The following SYT17 variants were observed in gnomAD, a reference collection of about 807,000 sequenced individuals.
The protein encoded by SYT17 is synaptotagmin 17.
Under a neutral mutation model 46.7 loss-of-function variants are expected in SYT17, and 22 were observed. The observed-to-expected ratio is 0.47, with a 90% CI of 0.34 to 0.67. The LOEUF (loss-of-function observed/expected upper bound fraction) is 0.67, where lower values mean the gene tolerates loss of function less well. Ranked by LOEUF, SYT17 falls within the 30% of genes least tolerant of loss-of-function variation. The pLI is 0.01. For missense variants in SYT17, 519 were observed against 612.8 expected (o/e 0.85, Z 1.62); for synonymous variants, 251 against 248.4 (o/e 1.01, Z -0.10).
chr16:19,184,213 T>C, intron 5 of SYT17, 66 bp downstream of exon 5: 3 of 1,513,330 alleles, frequency 2.0e-6, no homozygotes. Flanking sequence ...TTTTATTTTA[T>C]TTTACTGTTT....
At chr16:19,213,137 T>G (rs1313045478) in intron 5 of SYT17, among the ~76,000 whole-genome samples, 1 of 152,194 alleles carries the variant, frequency 6.6e-6, no homozygotes, top group African/African-American at 2.4e-5. Flanking sequence ...AAATGAGCAC[T>G]AAAACAAAGG....
At chr16:19,231,029 A>G (rs1048386081) in intron 7 of SYT17, among the ~76,000 whole-genome samples, 1 of 152,236 alleles carries the variant, frequency 6.6e-6, no homozygotes. Flanking sequence ...TACGTTGTCT[A>G]CATAGAGTCT....
chr16:19,168,066 A>T (rs1963936345), upstream of SYT17: 1 of 152,258 alleles, frequency 6.6e-6, no homozygotes, highest in African/African-American at 2.4e-5. This position sits in a 1 kb window ranked among gnomAD's most constrained non-coding sequence, Gnocchi z 6.9. Context: ...GATGGGAAGG[A>T]CCCTCCCTGC....
At chr16:19,242,341 G>A (rs1161571473) in intron 7 of SYT17, among the ~76,000 whole-genome samples, 1 of 152,178 alleles carries the variant, frequency 6.6e-6, no homozygotes, top group African/African-American at 2.4e-5. Context: ...ATGTAGGAAA[G>A]GAGCATTCTA....
intron 5 of SYT17, among the ~76,000 whole-genome samples, chr16:19,217,016 A>G (rs1212117847): frequency 6.6e-6 from 1 of 152,010 alleles, no homozygotes; most frequent in African/African-American, 2.4e-5. Context: ...AAGCTTTCCT[A>G]TTTCTTCACA....
At chr16:19,249,790 C>T in intron 7 of SYT17, 1 of 693,124 alleles carries the variant, frequency 1.4e-6, no homozygotes, top group South Asian at 2.6e-5. Flanking sequence ...TGGTTCAGGC[C>T]CTGGTTGGTG....
intron 5 of SYT17, among the ~76,000 whole-genome samples, chr16:19,213,291 T>A (rs1019173470): frequency 1.3e-5 from 2 of 152,104 alleles, no homozygotes; most frequent in African/African-American, 4.8e-5. Context: ...CCTCCACAGG[T>A]TGGAGTTGGA....
At chr16:19,209,936 T>G (rs1263222879) in intron 5 of SYT17, among the ~76,000 whole-genome samples, 27 of 151,880 alleles carry the variant, frequency 1.8e-4, no homozygotes, top group Admixed American at 1.7e-3. Context: ...CCTAAGTATC[T>G]AGCAATAGGA....
At chr16:19,239,278 A>AAATT (rs918681071) in intron 7 of SYT17, among the ~76,000 whole-genome samples, 29 of 151,418 alleles carry the variant, frequency 1.9e-4, no homozygotes, top group South Asian at 8.4e-4. Flanking sequence ...CCCTGTCTCA[A>AAATT]AATTAATTAA....
At chr16:19,266,805 C>G in intron 7 of SYT17, 75 bp from the exon 8 acceptor site, 2 of 1,396,176 alleles carry the variant, frequency 1.4e-6, no homozygotes, top group Non-Finnish European at 2.0e-6. Flanking sequence ...GGCCTCTTGT[C>G]TTCTCCCTGC....
intron 7 of SYT17, among the ~76,000 whole-genome samples, chr16:19,236,051 C>A (rs190267785): frequency 2.6e-5 from 4 of 152,138 alleles, no homozygotes; most frequent in African/African-American, 4.8e-5. Flanking sequence ...TGGAGACAGG[C>A]GACTCACCCC....
chr16:19,252,288 TTTTG>T (rs1031266180), intron 7 of SYT17, among the ~76,000 whole-genome samples: 2 of 143,190 alleles, frequency 1.4e-5, no homozygotes, highest in Non-Finnish European at 3.0e-5. Flanking sequence ...ACACATATGT[TTTTG>T]TTTGTTTGTT....
chr16:19,186,237 G>A (rs910623414), intron 5 of SYT17, among the ~76,000 whole-genome samples: 1 of 152,098 alleles, frequency 6.6e-6, no homozygotes, highest in African/African-American at 2.4e-5. Context: ...AGCACTTTGG[G>A]AGGTTGAGGT....
At chr16:19,179,384 C>G (rs1964455124) in intron 3 of SYT17, among the ~76,000 whole-genome samples, 1 of 152,148 alleles carries the variant, frequency 6.6e-6, no homozygotes, top group African/African-American at 2.4e-5. Context: ...CCTGCCTTAG[C>G]TTCCCAAAGT....
chr16:19,181,883 C>T (rs926275813), intron 4 of SYT17, among the ~76,000 whole-genome samples: 2 of 151,730 alleles, frequency 1.3e-5, no homozygotes, highest in Non-Finnish European at 2.9e-5. Flanking sequence ...CCTGTAATCC[C>T]AGCTACCTGG....
At chr16:19,168,156 C>A (rs1396199190), upstream of SYT17, 1 of 162,808 alleles carries the variant, frequency 6.1e-6, no homozygotes, top group Non-Finnish European at 1.3e-5. This position sits in a 1 kb window ranked among gnomAD's most constrained non-coding sequence, Gnocchi z 6.9. Context: ...TAGGTGCCAG[C>A]CCCCGTGCCA....
chr16:19,192,796 G>C (rs748470048), intron 5 of SYT17, among the ~76,000 whole-genome samples: 1 of 152,116 alleles, frequency 6.6e-6, no homozygotes, highest in Non-Finnish European at 1.5e-5. Context: ...GGGGTCGGTT[G>C]GGGGTGGTCA....
At chr16:19,256,106 G>T (rs1397775303) in intron 7 of SYT17, among the ~76,000 whole-genome samples, 1 of 152,212 alleles carries the variant, frequency 6.6e-6, no homozygotes, top group African/African-American at 2.4e-5. Flanking sequence ...AAACCTCATA[G>T]ATTTGTTGTG....
intron 3 of SYT17, among the ~76,000 whole-genome samples, chr16:19,174,750 C>A (rs1035740216): frequency 2.0e-5 from 3 of 147,404 alleles, no homozygotes; most frequent in Non-Finnish European, 4.6e-5. Flanking sequence ...TCAGAGTTGT[C>A]GAAGGGAGTC....
Sources: gnomAD v4.1 joint callset for allele counts (sites outside exome capture counted in the v4.1 genomes callset) on GRCh38, gnomAD v4.1.1 for gene constraint, Gnocchi (gnomAD v3.1) non-coding constraint, MANE v1.5 for transcripts, NCBI Gene and HGNC (gene_info 2026-07-23, HGNC 2026-07-21) for gene names.